The following GALNT3 variants were observed in gnomAD, a reference collection of about 807,000 sequenced individuals.
GALNT3 encodes the protein polypeptide N-acetylgalactosaminyltransferase 3.
A neutral mutation model predicts 69.8 loss-of-function variants in GALNT3; 51 were observed. The ratio of observed to expected loss-of-function variants is 0.73; its 90% CI spans 0.58 to 0.92. GALNT3 has a LOEUF of 0.92. Ranked by LOEUF, GALNT3 falls within the 40% of genes least tolerant of loss-of-function variation. The pLI, the probability that GALNT3 is intolerant of heterozygous loss-of-function variation, is 0.00. For missense variants in GALNT3, 711 were observed against 760.0 expected, an observed-to-expected ratio of 0.94 and a Z score of 0.76; for synonymous variants, 265 against 248.5, an observed-to-expected ratio of 1.07 and a Z score of -0.63.
At position 165,788,589 on chromosome 2, in the gene GALNT3, C is replaced by T. The variant is rs574621380; in HGVS notation, c.-109+5426G>A. ...TATACACAGGACACCTCACCCTGCT[C>T]AGGTATATGTGGAGGTGTGGGTGAG... On this transcript the variant is annotated intron_variant, in intron 1 of 10. Transcript: ENST00000392701. 2.2e-3 allele frequency among the ~76,000 whole-genome samples: 333 copies of T among 151,626 alleles called. 1 individual carries two copies. The highest frequency in any genetic ancestry group is 4.1e-3 in the Non-Finnish European group (281 of 67,886).
At chr2:165,771,800 C>G (rs1374594251) in intron 1 of GALNT3, 1 of 152,040 alleles carries the variant, frequency 6.6e-6, no homozygotes, top group African/African-American at 2.4e-5. Context: ...CTTTTGACAC[C>G]TTCTTTAACT....
intron 1 of GALNT3, among the ~76,000 whole-genome samples, chr2:165,780,650 TTGTTGTTGTTGTTG>T (rs1683085128): frequency 7.4e-6 from 1 of 136,010 alleles, no homozygotes; most frequent in African/African-American, 2.9e-5. Flanking sequence ...GGTTTTTTTG[TTGTTGTTGTTGTTG>T]TTGTTGTTGT....
At chr2:165,754,385 C>T (rs1434965049) in intron 9 of GALNT3, among the ~76,000 whole-genome samples, 1 of 135,722 alleles carries the variant, frequency 7.4e-6, no homozygotes, top group Non-Finnish European at 1.5e-5. Flanking sequence ...CCACTCAGCT[C>T]GGCCTCCTTT....
Position 165,758,774 on chromosome 2 carries a change from T to A in GALNT3, c.1164A>T (p.Gly388=). The A allele has an allele frequency of 1.9e-6, 3 of 1,595,474 alleles. No individual in the cohort carries two copies. Among genetic ancestry groups the A allele is most frequent in the Non-Finnish European group, 2.6e-6 (3 of 1,163,250 alleles). The change falls in exon 6 of 11, where the codon GGA becomes GGT. Residue 388 remains glycine (G), a synonymous_variant. Transcript: ENST00000392701. Reference sequence around the variant, plus strand: ...TGAAAGACATTTCTATATTTTCACCTCCCCAGATTTCCATTTCTTCATCAT... The same window carrying A: ...TGAAAGACATTTCTATATTTTCACCACCCCAGATTTCCATTTCTTCATCAT... ...GSYDEEMEIW[G]GENIEMSFRV...
chr2:165,784,408 AG>A (rs1182467684), intron 1 of GALNT3, among the ~76,000 whole-genome samples: 1 of 152,216 alleles, frequency 6.6e-6, no homozygotes, highest in Non-Finnish European at 1.5e-5. Context: ...AAAGTAGTCC[AG>A]GCAAGAGATA....
At chr2:165,754,402 T>C (rs1164973098) in intron 9 of GALNT3, among the ~76,000 whole-genome samples, 1 of 145,776 alleles carries the variant, frequency 6.9e-6, no homozygotes, top group Non-Finnish European at 1.5e-5. Flanking sequence ...CTTTTTTTTT[T>C]TTTTTTTTTT....
At position 165,762,063 on chromosome 2, in the gene GALNT3, A is replaced by T; in HGVS notation, c.689-9T>A. 6.6e-7 allele frequency: 1 copy of T among 1,510,802 alleles called. No homozygotes were observed. Among genetic ancestry groups the T allele is most frequent in the Non-Finnish European group, 9.2e-7 (1 of 1,088,012 alleles). The allele number at this position is 1,510,802 out of a possible 1,614,324, so 93.6% of individuals were successfully genotyped here. On this transcript the variant is annotated splice_polypyrimidine_tract_variant and intron_variant, in intron 3 of 10. Coordinates refer to ENST00000392701, the MANE Select transcript of GALNT3 (RefSeq NM_004482.4). The stretch of plus-strand genomic sequence containing the variant: ...TTTATCATGTAAGTACTCTGTAAGG[A>T]AAAAAAATCAGGGTTAATTCTTTCT...
At chr2:165,774,969 G>T (rs979547676) in intron 1 of GALNT3, among the ~76,000 whole-genome samples, 1 of 122,688 alleles carries the variant, frequency 8.2e-6, no homozygotes, top group African/African-American at 3.2e-5. Flanking sequence ...CAGCCAGGCT[G>T]ATCTTGAACT....
chr2:165,784,493 T>C (rs1683179186), intron 1 of GALNT3, among the ~76,000 whole-genome samples: 1 of 152,124 alleles, frequency 6.6e-6, no homozygotes, highest in Non-Finnish European at 1.5e-5. Flanking sequence ...TGAGTCAATG[T>C]GGAGGCTACA....
intron 2 of GALNT3, among the ~76,000 whole-genome samples, chr2:165,767,494 A>G (rs1688664530): frequency 1.3e-5 from 2 of 152,208 alleles, no homozygotes; most frequent in Non-Finnish European, 2.9e-5. Flanking sequence ...GTCAGTTTAA[A>G]CTAGGATTTA....
intron 4 of GALNT3, 84 bp downstream of exon 4, chr2:165,761,821 A>T: frequency 6.9e-7 from 1 of 1,454,188 alleles, no homozygotes; most frequent in Non-Finnish European, 9.7e-7. Flanking sequence ...TTAGGCATTT[A>T]GAAAAGAAAA....
intron 2 of GALNT3, among the ~76,000 whole-genome samples, chr2:165,769,097 T>A (rs368184128): frequency 4.0e-4 from 59 of 148,966 alleles, no homozygotes; most frequent in African/African-American, 1.3e-3. Context: ...ACCTGGCCTA[T>A]CTTGTACACT....
At chr2:165,758,694 C>T (rs1460878177) in intron 6 of GALNT3, 53 bp downstream of exon 6, 1 of 1,112,812 alleles carries the variant, frequency 9.0e-7, no homozygotes, top group Non-Finnish European at 1.4e-6. Context: ...GATTAGAACA[C>T]AATATATTTC....
intron 2 of GALNT3, 131 bp downstream of exon 2, chr2:165,770,055 G>T: frequency 9.9e-7 from 1 of 1,006,744 alleles, no homozygotes; most frequent in Non-Finnish European, 1.5e-6. Flanking sequence ...AAATACAACA[G>T]GTTAAATAAA....
chr2:165,759,414 T>C lies in GALNT3; in HGVS notation c.995A>G (p.Asp332Gly), dbSNP rs755092673. Residue 332 changes from aspartate (D) to glycine (G), a missense_variant, in exon 5 of 11, where the codon GAC becomes GGC. By Grantham distance (94) the Asp-to-Gly change is moderately conservative. Transcript: ENST00000392701. ...YGSNHNRGNF[D>G]WSLSFGWESL... ...CTCCCAGCCAAATGAAAGACTCCAGTCAAAATTTCCACGGTTATGGTTACT... is the reference window on the plus strand; with the variant it reads ...CTCCCAGCCAAATGAAAGACTCCAGCCAAAATTTCCACGGTTATGGTTACT... The C allele has an allele frequency of 3.3e-5, 54 of 1,613,956 alleles. No individual in the cohort carries two copies. The highest frequency in any genetic ancestry group is 4.6e-5 in the Non-Finnish European group (54 of 1,179,986).
rs550247274 is a variant in GALNT3 at position 165,750,807 on chromosome 2, C to G, written c.1627-913G>C. On this transcript the variant is annotated intron_variant, in intron 9 of 10. Transcript: ENST00000392701. Reference sequence around the variant, plus strand: ...TATATTATGCTTCTTTCACACAATTCTACCAATCAGAACATATGTATCTAT... The same window carrying G: ...TATATTATGCTTCTTTCACACAATTGTACCAATCAGAACATATGTATCTAT... Among the ~76,000 whole-genome samples the G allele has an allele frequency of 4.6e-5, 7 of 152,142 alleles. 1 individual carries two copies. The South Asian group carries it at 1.5e-3, about 32-fold the overall frequency.
rs983953948 is a variant in GALNT3, at chr2:165,748,645, A to G, written c.*136T>C. On this transcript the variant is annotated 3_prime_UTR_variant, in exon 11 of 11. Coordinates refer to ENST00000392701, the MANE Select transcript of GALNT3 (RefSeq NM_004482.4). ...ATTTCTGTAGTAGTGCTACATAAAGATATAAATAAGAAAAATGCACTTGGA... is the reference window on the plus strand; with the variant it reads ...ATTTCTGTAGTAGTGCTACATAAAGGTATAAATAAGAAAAATGCACTTGGA... The G allele has an allele frequency of 2.6e-6, 2 of 780,060 alleles. No individual in the cohort carries two copies. The highest frequency in any genetic ancestry group is 4.7e-5 in the Admixed American group (2 of 42,206). The allele number at this position is 780,060 out of a possible 1,614,324, so 48.3% of individuals were successfully genotyped here.
intron 1 of GALNT3, among the ~76,000 whole-genome samples, chr2:165,791,896 A>G (rs2105236037): frequency 6.6e-6 from 1 of 152,334 alleles, no homozygotes. Flanking sequence ...ACAAGTAGAA[A>G]TGAGGGTAAA....
Position 165,757,218 on chromosome 2 carries a change from A to T in GALNT3, c.1221T>A (p.Ile407=). 1.2e-6 allele frequency: 2 copies of T among 1,614,086 alleles called. No homozygotes were observed. The highest frequency in any genetic ancestry group is 1.7e-6 in the Non-Finnish European group (2 of 1,179,944). Residue 407 remains isoleucine, a synonymous_variant, in exon 7 of 11, where the codon ATT becomes ATA. Coordinates refer to ENST00000392701, the MANE Select transcript of GALNT3 (RefSeq NM_004482.4). The part of the protein sequence containing the change: ...RVWQCGGQLE[I]MPCSVVGHVF... ...CATGTCCAACAACAGAGCAAGGCAT[A>T]ATCTCCAACTGCCCACCACATTGCC...
Sources: gnomAD v4.1 joint callset for allele counts (sites outside exome capture counted in the v4.1 genomes callset) on GRCh38, gnomAD v4.1.1 for gene constraint, MANE v1.5 for transcripts, NCBI Gene and HGNC (gene_info 2026-07-23, HGNC 2026-07-21) for gene names.